Variants in FAR2 observed in about 807,000 individuals in gnomAD.
The protein encoded by FAR2 is fatty acyl-CoA reductase 2, also known as epididymis secretory protein Li 81.
Under a neutral mutation model 56.0 loss-of-function variants are expected in FAR2, and 19 were observed. The observed-to-expected ratio is 0.34, with a 90% CI of 0.24 to 0.50. The LOEUF (loss-of-function observed/expected upper bound fraction) is 0.50, where lower values mean the gene tolerates loss of function less well. Ranked by LOEUF, FAR2 falls within the 20% of genes least tolerant of loss-of-function variation. The pLI is 0.98. For synonymous variants in FAR2, 219 were observed against 218.8 expected, an observed-to-expected ratio of 1.00 and a Z score of -0.01; for missense variants, 508 against 642.2, an observed-to-expected ratio of 0.79 and a Z score of 2.26.
chr12:29,320,658 AGG>A (rs1400939673), intron 9 of FAR2, among the ~76,000 whole-genome samples: 38 of 152,190 alleles, frequency 2.5e-4, no homozygotes, highest in African/African-American at 8.9e-4. Context: ...TAAAAGACCT[AGG>A]TTGGGGATTA....
intron 10 of FAR2, among the ~76,000 whole-genome samples, chr12:29,323,541 A>G (rs1949589635): frequency 6.6e-6 from 1 of 152,188 alleles, no homozygotes; most frequent in Non-Finnish European, 1.5e-5. Context: ...TACTCCTCTG[A>G]GACAAAACTT....
intron 1 of FAR2, among the ~76,000 whole-genome samples, chr12:29,150,311 C>A (rs1280067002): frequency 2.6e-5 from 4 of 152,188 alleles, no homozygotes; most frequent in African/African-American, 9.7e-5. Context: ...GTGTGAGCAA[C>A]CAAGGTTATC....
intron 1 of FAR2, among the ~76,000 whole-genome samples, chr12:29,150,576 A>C (rs1949674519): frequency 6.6e-6 from 1 of 152,218 alleles, no homozygotes; most frequent in East Asian, 1.9e-4. Context: ...AGTTAGTCCA[A>C]AATTTAGAAA....
chr12:29,220,649 T>C (rs1320413879), intron 1 of FAR2, among the ~76,000 whole-genome samples: 2 of 152,178 alleles, frequency 1.3e-5, no homozygotes, highest in Admixed American at 6.5e-5. Flanking sequence ...TTGTTAGCAG[T>C]GTAACATCCC....
chr12:29,222,378 T>C (rs952312123), intron 1 of FAR2, among the ~76,000 whole-genome samples: 2 of 152,200 alleles, frequency 1.3e-5, no homozygotes, highest in Non-Finnish European at 2.9e-5. Flanking sequence ...TCAAGACTAT[T>C]GCAATAGGGG....
intron 4 of FAR2, among the ~76,000 whole-genome samples, chr12:29,300,629 AGTTGTT>A (rs34282694): frequency 1.2e-3 from 182 of 150,206 alleles, no homozygotes; most frequent in African/African-American, 3.5e-3. Context: ...CCTGGGGGAA[AGTTGTT>A]GTTGTTGTTG....
intron 1 of FAR2, among the ~76,000 whole-genome samples, chr12:29,259,808 C>CT (rs1460592562): frequency 6.6e-6 from 1 of 152,112 alleles, no homozygotes; most frequent in African/African-American, 2.4e-5. Flanking sequence ...TCTCTTTTTT[C>CT]TTTTTTTCAT....
chr12:29,156,116 G>A (rs1327914526), intron 1 of FAR2, among the ~76,000 whole-genome samples: 1 of 152,050 alleles, frequency 6.6e-6, no homozygotes, highest in Non-Finnish European at 1.5e-5. Flanking sequence ...GAGGTGGGGG[G>A]AAGTTACTGG....
At position 29,297,236 on chromosome 12, in the gene FAR2, A is replaced by G. The variant is rs540401678; in HGVS notation, c.545+36A>G. The G allele has an allele frequency of 1.9e-6, 3 of 1,563,870 alleles. No individual in the cohort carries two copies. The African/African-American group carries it at 4.1e-5, about 21-fold the overall frequency. On this transcript the variant is annotated intron_variant, in intron 4 of 11. Transcript: ENST00000536681. ...CTAATAAAAGGATCAAGGGGCGGGT[A>G]GAATAAGTTCCTTTGTTCTCTTTGA...
intron 1 of FAR2, among the ~76,000 whole-genome samples, chr12:29,226,038 T>C (rs1240971242): frequency 1.3e-5 from 2 of 152,194 alleles, no homozygotes; most frequent in Non-Finnish European, 2.9e-5. Context: ...TCGTACAAAT[T>C]ACTTAAGCTC....
intron 1 of FAR2, among the ~76,000 whole-genome samples, chr12:29,231,555 G>C (rs114904749): frequency 0.027 from 4,049 of 152,234 alleles, 188 homozygotes; most frequent in African/African-American, 0.092. Flanking sequence ...TAATTTGTGA[G>C]AGACATTCTG....
At chr12:29,201,826 C>G (rs1324440051) in intron 1 of FAR2, among the ~76,000 whole-genome samples, 1 of 152,170 alleles carries the variant, frequency 6.6e-6, no homozygotes, top group East Asian at 1.9e-4. Flanking sequence ...ACACTAGCCA[C>G]CTTTTAAGTG....
At chr12:29,287,148 T>C (rs1948890483) in intron 2 of FAR2, among the ~76,000 whole-genome samples, 1 of 152,190 alleles carries the variant, frequency 6.6e-6, no homozygotes, top group Non-Finnish European at 1.5e-5. Context: ...AAAGAAAAGA[T>C]AGATGCCCAA....
At chr12:29,161,425 T>C (rs1304915748) in intron 1 of FAR2, among the ~76,000 whole-genome samples, 4 of 152,208 alleles carry the variant, frequency 2.6e-5, no homozygotes, top group African/African-American at 9.6e-5. Flanking sequence ...TACATCTGGC[T>C]TATTTACTCA....
intron 1 of FAR2, among the ~76,000 whole-genome samples, chr12:29,205,451 T>C (rs1245175960): frequency 6.6e-6 from 1 of 152,210 alleles, no homozygotes; most frequent in African/African-American, 2.4e-5. Context: ...ATAGTGTTTG[T>C]TGAATGGTTA....
At chr12:29,217,480 CAG>C (rs563357865) in intron 1 of FAR2, among the ~76,000 whole-genome samples, 368 of 152,278 alleles carry the variant, frequency 2.4e-3, no homozygotes, top group African/African-American at 8.3e-3. Flanking sequence ...GTTAGAAAGG[CAG>C]AGAGAGATTT....
chr12:29,270,694 AC>A, intron 2 of FAR2, 56 bp downstream of exon 2: 1 of 1,454,498 alleles, frequency 6.9e-7, no homozygotes, highest in Non-Finnish European at 9.3e-7. Context: ...AAGATGATTC[AC>A]TACAATGTTC....
intron 1 of FAR2, among the ~76,000 whole-genome samples, chr12:29,190,466 A>T (rs10771491): frequency 0.22 from 33,306 of 151,212 alleles, 3,708 homozygotes; most frequent in Non-Finnish European, 0.23. Flanking sequence ...TTAATTAATT[A>T]ATTTATTTAT....
chr12:29,239,609 A>G (rs1342744943), intron 1 of FAR2, among the ~76,000 whole-genome samples: 1 of 152,204 alleles, frequency 6.6e-6, no homozygotes, highest in African/African-American at 2.4e-5. Context: ...GGTGATGACC[A>G]GTAGAGGAAA....
Sources: allele counts gnomAD v4.1 joint callset (sites outside exome capture counted in the v4.1 genomes callset), GRCh38; gene constraint gnomAD v4.1.1; transcripts MANE v1.5; gene names NCBI Gene and HGNC (gene_info 2026-07-23, HGNC 2026-07-21).